CTNNA2: variants seen among roughly 807,000 people sequenced by gnomAD.
CTNNA2 encodes the protein catenin alpha 2, also known as catenin alpha-2.
In CTNNA2, 42 loss-of-function variants were observed where a neutral mutation model predicts 101.0. The observed-to-expected ratio is 0.42, with a 90% CI of 0.32 to 0.54. The LOEUF (loss-of-function observed/expected upper bound fraction) is 0.54. Ranked by LOEUF, CTNNA2 falls within the 20% of genes least tolerant of loss-of-function variation. The probability of loss-of-function intolerance (pLI) is 0.14; values close to 1 mark genes in which losing one functional copy is unlikely to be tolerated. For synonymous variants in CTNNA2, 450 were observed against 456.4 expected (o/e 0.99, Z 0.18); for missense variants, 871 against 1,223.1 (o/e 0.71, Z 4.29).
rs1166308510 is a variant in CTNNA2 at position 80,237,273 on chromosome 2, T to G, written c.1057-155938T>G. Among the ~76,000 whole-genome samples the G allele has an allele frequency of 2.0e-5, 3 of 152,216 alleles. No homozygotes were observed. In the East Asian group the frequency reaches 5.8e-4, roughly 29 times the overall value. Reference sequence around the variant, plus strand: ...GATATGTTACTAAATGTCTGCATTTTTGCTAAAAAATTGAATAATGTGTTT... The same window carrying G: ...GATATGTTACTAAATGTCTGCATTTGTGCTAAAAAATTGAATAATGTGTTT... On this transcript the variant is annotated intron_variant, in intron 7 of 18. Coordinates refer to ENST00000402739, the MANE Select transcript of CTNNA2 (RefSeq NM_001282597.3).
chr2:80,616,797 C>G (rs952213220), intron 17 of CTNNA2, among the ~76,000 whole-genome samples: 2 of 151,604 alleles, frequency 1.3e-5, no homozygotes, highest in African/African-American at 4.8e-5. Context: ...GTATCAAAGG[C>G]AGTTTTATTA....
chr2:79,730,159 T>C (rs1687111646), intron 2 of CTNNA2, among the ~76,000 whole-genome samples: 1 of 152,120 alleles, frequency 6.6e-6, no homozygotes, highest in South Asian at 2.1e-4. Flanking sequence ...ATAGGCTTTA[T>C]GACTTCTGGC....
intron 7 of CTNNA2, among the ~76,000 whole-genome samples, chr2:80,010,716 CT>C (rs11298377): frequency 0.56 from 83,683 of 150,274 alleles, 25,089 homozygotes; most frequent in East Asian, 0.76. Context: ...TTGCCATTCA[CT>C]TTTTTTTTTT....
At chr2:79,702,660 G>A (rs1177121567) in intron 2 of CTNNA2, among the ~76,000 whole-genome samples, 1 of 152,122 alleles carries the variant, frequency 6.6e-6, no homozygotes, top group Non-Finnish European at 1.5e-5. Context: ...TCTTGTACTA[G>A]GTTCCTGGGA....
Position 80,496,032 on chromosome 2 carries a change from A to G in CTNNA2, c.1291-48950A>G, listed in dbSNP as rs535464881. On this transcript the variant is annotated intron_variant, in intron 9 of 18. Coordinates refer to ENST00000402739, the MANE Select transcript of CTNNA2 (RefSeq NM_001282597.3). Reference sequence around the variant, plus strand: ...GTGTGATAATGAAAATAGAGATTAGAGTGACACAGCTGCAAGTCAAGGAAT... The same window carrying G: ...GTGTGATAATGAAAATAGAGATTAGGGTGACACAGCTGCAAGTCAAGGAAT... Among the ~76,000 whole-genome samples, 26 of 150,484 alleles carry G rather than the reference A, an allele frequency of 1.7e-4. No homozygotes were observed. In the South Asian group the frequency reaches 2.6e-3, roughly 15 times the overall value.
At chr2:80,084,134 C>T (rs948195412) in intron 7 of CTNNA2, among the ~76,000 whole-genome samples, 1 of 152,042 alleles carries the variant, frequency 6.6e-6, no homozygotes, top group African/African-American at 2.4e-5. Flanking sequence ...CTTTCTTTGC[C>T]CTTAATCTGT....
intron 4 of CTNNA2, among the ~76,000 whole-genome samples, chr2:79,408,218 C>T (rs976937431): frequency 1.3e-5 from 2 of 151,786 alleles, no homozygotes; most frequent in South Asian, 2.1e-4. Context: ...CAAAGTACAG[C>T]CTTAGAGCCT....
At chr2:80,121,732 G>C (rs1701846912) in intron 7 of CTNNA2, among the ~76,000 whole-genome samples, 1 of 152,132 alleles carries the variant, frequency 6.6e-6, no homozygotes, top group Admixed American at 6.5e-5. Context: ...GAACCTGTAG[G>C]GAAGGTGAAT....
At chr2:79,352,776 C>T (rs1409462584) in intron 3 of CTNNA2, among the ~76,000 whole-genome samples, 1 of 152,148 alleles carries the variant, frequency 6.6e-6, no homozygotes, top group Non-Finnish European at 1.5e-5. Context: ...AGTCCATTCT[C>T]ACACAGCTAT....
At chr2:79,552,906 A>T (rs577039709) in intron 1 of CTNNA2, among the ~76,000 whole-genome samples, 3 of 152,350 alleles carry the variant, frequency 2.0e-5, no homozygotes, top group African/African-American at 7.2e-5. Flanking sequence ...CTGCCACAAA[A>T]GTCTTTGAAA....
At chr2:79,267,761 G>T (rs1342109578) in intron 2 of CTNNA2, among the ~76,000 whole-genome samples, 1 of 152,132 alleles carries the variant, frequency 6.6e-6, no homozygotes, top group Non-Finnish European at 1.5e-5. Flanking sequence ...CTAAATAAAA[G>T]AGAGTTTACT....
At chr2:79,707,931 C>A (rs928273857) in intron 2 of CTNNA2, among the ~76,000 whole-genome samples, 12 of 152,180 alleles carry the variant, frequency 7.9e-5, no homozygotes, top group Admixed American at 5.2e-4. Flanking sequence ...AAACACATGT[C>A]TTTCCTCAAG....
At chr2:80,198,744 G>A (rs897360988) in intron 7 of CTNNA2, among the ~76,000 whole-genome samples, 1 of 152,204 alleles carries the variant, frequency 6.6e-6, no homozygotes, top group African/African-American at 2.4e-5. Flanking sequence ...GTGCTTGGAA[G>A]AGGATTTATG....
At chr2:80,171,576 G>A (rs1256961684) in intron 7 of CTNNA2, among the ~76,000 whole-genome samples, 1 of 152,168 alleles carries the variant, frequency 6.6e-6, no homozygotes, top group Non-Finnish European at 1.5e-5. Flanking sequence ...AGGCACCTAG[G>A]CTAGCGAGTC....
chr2:80,251,654 C>G (rs565190695), intron 7 of CTNNA2, among the ~76,000 whole-genome samples: 2 of 152,150 alleles, frequency 1.3e-5, no homozygotes, highest in Non-Finnish European at 2.9e-5. Context: ...GGCTCTGGCT[C>G]TCTTTGTTAT....
intron 7 of CTNNA2, among the ~76,000 whole-genome samples, chr2:79,920,520 T>A (rs1686581667): frequency 6.6e-6 from 1 of 152,180 alleles, no homozygotes; most frequent in African/African-American, 2.4e-5. Flanking sequence ...AATAAATGAA[T>A]TCCCTTTCAT....
chr2:80,341,240 C>T (rs895785602), intron 7 of CTNNA2, among the ~76,000 whole-genome samples: 2 of 152,190 alleles, frequency 1.3e-5, no homozygotes, highest in East Asian at 1.9e-4. Context: ...TACCTCCTCC[C>T]CAGAGGTGGG....
At chr2:80,545,609 C>G (rs1691989449) in intron 10 of CTNNA2, among the ~76,000 whole-genome samples, 1 of 152,180 alleles carries the variant, frequency 6.6e-6, no homozygotes, top group South Asian at 2.1e-4. Context: ...CATAAACTTG[C>G]ACATGTGGAA....
intron 4 of CTNNA2, chr2:79,866,569 CCTT>C (rs1682117060): frequency 1.3e-5 from 2 of 152,260 alleles, no homozygotes; most frequent in Non-Finnish European, 1.5e-5. Flanking sequence ...ACACCAGTGT[CCTT>C]CTTAGAGCCA....
Sources: allele counts gnomAD v4.1 joint callset (sites outside exome capture counted in the v4.1 genomes callset), GRCh38; gene constraint gnomAD v4.1.1; transcripts MANE v1.5; gene names NCBI Gene and HGNC (gene_info 2026-07-23, HGNC 2026-07-21).